Variants in ZBED6 observed in about 807,000 individuals in gnomAD.
The protein encoded by ZBED6 is zinc finger BED domain-containing protein 6.
A neutral mutation model predicts 58.4 loss-of-function variants in ZBED6; 40 were observed. That is an observed-to-expected ratio of 0.68 (90% CI 0.53 to 0.89). The LOEUF is 0.89. ZBED6 is among the 40% of genes least tolerant of loss of function. ZBED6 has a pLI of 0.00. For synonymous variants in ZBED6, 439 were observed against 350.6 expected, an observed-to-expected ratio of 1.25 and a Z score of -2.82; for missense variants, 1,057 against 1,003.9, an observed-to-expected ratio of 1.05 and a Z score of -0.71.
At chr1:203,803,406 G>T (rs542045038) in intron 1 of ZBED6, among the ~76,000 whole-genome samples, 14 of 152,208 alleles carry the variant, frequency 9.2e-5, no homozygotes, top group African/African-American at 3.4e-4. Context: ...GGCCAGGCTG[G>T]TCTGGAATTC....
chr1:203,821,344 A>G (rs1453824592), intron 3 of ZBED6, among the ~76,000 whole-genome samples: 21 of 151,978 alleles, frequency 1.4e-4, no homozygotes, highest in Admixed American at 1.4e-3. Context: ...CCAGTCTCAG[A>G]TAGTTCTTTA....
intron 5 of ZBED6, 54 bp downstream of exon 5, chr1:203,829,708 A>T: frequency 2.5e-6 from 4 of 1,612,510 alleles, no homozygotes; most frequent in Non-Finnish European, 3.4e-6. Flanking sequence ...CTCATAGTGA[A>T]TTGGGCAGAA....
chr1:203,832,161 C>T (rs1682589390), intron 8 of ZBED6, among the ~76,000 whole-genome samples: 1 of 152,120 alleles, frequency 6.6e-6, no homozygotes, highest in South Asian at 2.1e-4. Context: ...TGGGTTCAAG[C>T]AATTTTCGTG....
intron 9 of ZBED6, chr1:203,835,890 T>G (rs1169147268): frequency 4.1e-6 from 1 of 243,156 alleles, no homozygotes; most frequent in Admixed American, 4.4e-5. Flanking sequence ...AAAAATGCCC[T>G]TGGACCACAG....
chr1:203,833,895 T>A, intron 9 of ZBED6, 42 bp downstream of exon 9: 1 of 1,579,776 alleles, frequency 6.3e-7, no homozygotes, highest in Non-Finnish European at 8.6e-7. Context: ...TCTACTTGTT[T>A]GTGCATTAAC....
chr1:203,802,408 A>T (rs1670795682), exon 1 of ZBED6: 1 of 152,484 alleles, frequency 6.6e-6, no homozygotes, highest in African/African-American at 2.4e-5. Flanking sequence ...TCCAAATGTT[A>T]TATTTCTATA....
exon 1 of ZBED6, chr1:203,797,946 G>C: frequency 6.5e-7 from 1 of 1,536,034 alleles, no homozygotes; most frequent in Non-Finnish European, 8.7e-7. Context: ...CTTTCATGTT[G>C]ACCCCCAGTA....
chr1:203,840,641 A>G (rs199625539), intron 11 of ZBED6, among the ~76,000 whole-genome samples: 1 of 141,342 alleles, frequency 7.1e-6, no homozygotes, highest in African/African-American at 2.6e-5. Context: ...TATTTATTTT[A>G]TTTATTTTTG....
intron 11 of ZBED6, among the ~76,000 whole-genome samples, chr1:203,844,453 G>A (rs939408397): frequency 1.3e-5 from 2 of 152,212 alleles, no homozygotes; most frequent in African/African-American, 2.4e-5. Flanking sequence ...ACAGGTGTGA[G>A]TCACTGCGCC....
rs184860275 is a variant in ZBED6, at chr1:203,845,835, C to T, written c.*3742-1349C>T. ...GTCAAGATGACACCACTGCACACTC[C>T]AGCCTGGGCAACAGAGCAAAACTCT... is the stretch of plus-strand genomic sequence containing the variant. On this transcript the variant is annotated intron_variant, in intron 11 of 16. Coordinates refer to ENST00000550078, the Ensembl canonical transcript of ZBED6. Among the ~76,000 whole-genome samples, 275 of 152,224 alleles carry T rather than the reference C, an allele frequency of 1.8e-3. 2 individuals carry two copies. Among genetic ancestry groups the T allele is most frequent in the African/African-American group, 6.2e-3 (258 of 41,534 alleles).
rs1483815517 is a variant in ZBED6, at chr1:203,801,942, TTAG to T, written c.*1486_*1488del. On this transcript the variant is annotated 3_prime_UTR_variant, in exon 1 of 17. Coordinates refer to ENST00000550078, the Ensembl canonical transcript of ZBED6. ...CTTACAAAGTCTTTAGCTGTAGCCA[TTAG>T]TAGTAAAGAATTTGGACCTAGGCTG... The T allele has an allele frequency of 2.6e-5, 4 of 152,620 alleles. No individual in the cohort carries two copies. In the East Asian group the frequency reaches 7.7e-4, roughly 29 times the overall value. The allele number at this position is 152,620 out of a possible 1,614,324, so 9.5% of individuals were successfully genotyped here. A position where few individuals can be genotyped will look rare whatever the true frequency, so the allele number is the denominator to read the frequency against.
intron 1 of ZBED6, chr1:203,806,022 G>C (rs1399121021): frequency 7.3e-6 from 4 of 547,998 alleles, no homozygotes; most frequent in Non-Finnish European, 1.4e-5. Context: ...ATGACTCTTG[G>C]GTGCGATTGT....
exon 1 of ZBED6, chr1:203,795,755 G>T (rs1406816965): frequency 6.6e-6 from 1 of 152,182 alleles, no homozygotes; most frequent in Non-Finnish European, 1.5e-5. Context: ...AGCGGGAGTC[G>T]GGGATAGTGT....
intron 11 of ZBED6, among the ~76,000 whole-genome samples, chr1:203,840,990 T>G (rs1457265008): frequency 3.3e-5 from 5 of 152,086 alleles, no homozygotes; most frequent in Admixed American, 2.6e-4. Flanking sequence ...TTAGATAAAA[T>G]TATGATAGTT....
intron 1 of ZBED6, among the ~76,000 whole-genome samples, chr1:203,806,830 C>CTTTTTT (rs373591619): frequency 8.5e-6 from 1 of 117,858 alleles, no homozygotes. Flanking sequence ...CCTCAGGTTC[C>CTTTTTT]TTTTTTTTTT....
chr1:203,849,812 A>G, exon 14 of ZBED6: 3 of 1,614,000 alleles, frequency 1.9e-6, no homozygotes, highest in Non-Finnish European at 2.5e-6. Context: ...AGAGGGAAAA[A>G]TCAGTCTTGA....
chr1:203,810,777 C>T (rs12562014), intron 1 of ZBED6, among the ~76,000 whole-genome samples: 12,036 of 151,948 alleles, frequency 0.079, 1,271 homozygotes, highest in East Asian at 0.4. Context: ...GGAGTGTTAT[C>T]TACTCAGGAT....
chr1:203,818,712 CATA>C (rs1282157540), intron 3 of ZBED6, 23 bp downstream of exon 3: 1 of 1,613,610 alleles, frequency 6.2e-7, no homozygotes, highest in African/African-American at 1.3e-5. Context: ...TTTCCGTTAT[CATA>C]ATAAGTAGTC....
At chr1:203,851,510 AG>A (rs1689249884) in intron 16 of ZBED6, among the ~76,000 whole-genome samples, 2 of 152,058 alleles carry the variant, frequency 1.3e-5, no homozygotes. Context: ...TTGTATTTTT[AG>A]TAGTGACAGG....
Sources: allele counts gnomAD v4.1 joint callset (sites outside exome capture counted in the v4.1 genomes callset), GRCh38; gene constraint gnomAD v4.1.1; transcripts MANE v1.5; gene names NCBI Gene and HGNC (gene_info 2026-07-23, HGNC 2026-07-21).